Variants in PNLIPRP3 observed in about 807,000 individuals in gnomAD.
The protein encoded by PNLIPRP3 is pancreatic lipase-related protein 3.
PNLIPRP3 carries 58 observed loss-of-function variants against 52.8 expected under a neutral mutation model. That is an observed-to-expected ratio of 1.10 (90% confidence interval 0.89 to 1.37). The LOEUF (loss-of-function observed/expected upper bound fraction) is 1.37. Among genes scored for constraint, PNLIPRP3 ranks in the 40% most tolerant of loss-of-function variants. The pLI, the probability that PNLIPRP3 is intolerant of heterozygous loss-of-function variation, is 0.00. For missense variants in PNLIPRP3, 593 were observed against 561.6 expected, an observed-to-expected ratio of 1.06 and a Z score of -0.57; for synonymous variants, 192 against 185.0, an observed-to-expected ratio of 1.04 and a Z score of -0.31.
At chr10:116,460,915 C>T (rs776822148) in intron 5 of PNLIPRP3, 51 bp from the exon 6 acceptor site, 3 of 1,585,618 alleles carry the variant, frequency 1.9e-6, no homozygotes, top group Non-Finnish European at 1.7e-6. Flanking sequence ...AAAGTAACAA[C>T]AATATTAATG....
intron 10 of PNLIPRP3, among the ~76,000 whole-genome samples, chr10:116,475,008 C>A (rs757485841): frequency 6.6e-6 from 1 of 152,174 alleles, no homozygotes; most frequent in Non-Finnish European, 1.5e-5. Flanking sequence ...GCACTATTCA[C>A]AACAGCAAAG....
rs199630485 is a variant in PNLIPRP3, at chr10:116,476,803, G to A, written c.1324G>A (p.Gly442Arg). The change falls in exon 11 of 12, where the codon GGG becomes AGG. Residue 442 changes from glycine to arginine, a missense_variant. Physicochemically the swap from Gly to Arg is moderately radical, Grantham distance 125. Coordinates refer to ENST00000369230, the MANE Select transcript of PNLIPRP3 (RefSeq NM_001011709.3). ...AGCAGAAATGGTGATAAATACATCTGGGAAATATGGATATAAGTAAGTATT... is the reference window on the plus strand; with the variant it reads ...AGCAGAAATGGTGATAAATACATCTAGGAAATATGGATATAAGTAAGTATT... The part of the protein sequence containing the change: ...LGAEMVINTS[G>R]KYGYKSTFCS... 1,297 of 1,596,998 alleles carry A rather than the reference G, an allele frequency of 8.1e-4. 15 individuals carry two copies. The South Asian group carries it at 0.011, about 14-fold the overall frequency.
chr10:116,436,808 A>T lies in PNLIPRP3; in HGVS notation c.147A>T (p.Pro49=). ...AGTTGGTAGGTTTACCCTGGTCTCC[A>T]GAGAAGATAAACACTCGTTTCCTGC... ...STELVGLPWS[P]EKINTRFLLY... Residue 49 remains proline (P), a synonymous_variant, in exon 2 of 12, where the codon CCA becomes CCT. Coordinates refer to ENST00000369230, the MANE Select transcript of PNLIPRP3 (RefSeq NM_001011709.3). 6.2e-7 allele frequency: 1 copy of T among 1,613,672 alleles called. No homozygotes were observed. The highest frequency in any genetic ancestry group is 1.1e-5 in the South Asian group (1 of 91,012).
intron 1 of PNLIPRP3, 115 bp from the exon 2 acceptor site, chr10:116,436,595 TA>T (rs1252821623): frequency 9.3e-7 from 1 of 1,073,576 alleles, no homozygotes; most frequent in African/African-American, 1.6e-5. Context: ...TTTCAAGCCA[TA>T]AATCCAATAA....
At chr10:116,458,645 C>T (rs1387915255) in intron 5 of PNLIPRP3, among the ~76,000 whole-genome samples, 2 of 152,124 alleles carry the variant, frequency 1.3e-5, no homozygotes, top group Non-Finnish European at 1.5e-5. Flanking sequence ...TTGTTAAGCG[C>T]GAATGGTTCA....
At chr10:116,433,938 A>G (rs528450718) in intron 1 of PNLIPRP3, among the ~76,000 whole-genome samples, 26 of 152,348 alleles carry the variant, frequency 1.7e-4, no homozygotes, top group African/African-American at 6.0e-4. Flanking sequence ...AAGCTAGGCT[A>G]TATCTCCCAA....
chr10:116,443,295 C>T lies in PNLIPRP3; in HGVS notation c.324+121C>T, dbSNP rs535562132. 8 of 1,111,948 alleles carry T rather than the reference C, an allele frequency of 7.2e-6. No individual in the cohort carries two copies. In the Admixed American group the frequency reaches 8.5e-5, roughly 12 times the overall value. The allele number at this position is 1,111,948 out of a possible 1,614,324, so 68.9% of individuals were successfully genotyped here. On this transcript the variant is annotated intron_variant, in intron 3 of 11. Coordinates refer to ENST00000369230, the MANE Select transcript of PNLIPRP3 (RefSeq NM_001011709.3). ...CTTCCATTCAGTTATCCACAATTAT[C>T]CGTGTTCTGGGGCCTCAAATTAGTT...
At chr10:116,439,784 C>T in intron 2 of PNLIPRP3, 4 of 773,522 alleles carry the variant, frequency 5.2e-6, no homozygotes, top group Non-Finnish European at 9.6e-6. Context: ...GCATTAGGAT[C>T]CTTCTTCTTG....
chr10:116,431,783 T>G (rs1163107582), intron 1 of PNLIPRP3, among the ~76,000 whole-genome samples: 2 of 152,118 alleles, frequency 1.3e-5, no homozygotes, highest in African/African-American at 4.8e-5. Flanking sequence ...CCTGTCTCCA[T>G]TCCCTGGGCC....
At chr10:116,428,159 G>T in intron 1 of PNLIPRP3, 98 bp downstream of exon 1, 2 of 849,454 alleles carry the variant, frequency 2.4e-6, no homozygotes, top group Non-Finnish European at 3.7e-6. Context: ...AATTACTATT[G>T]CTAATTTCAT....
chr10:116,462,928 G>T (rs1403148015), intron 7 of PNLIPRP3, among the ~76,000 whole-genome samples: 2 of 152,146 alleles, frequency 1.3e-5, no homozygotes, highest in African/African-American at 4.8e-5. Flanking sequence ...ACCTTTGGAT[G>T]AGTTTTAAGA....
rs1326558221 is a variant in PNLIPRP3, at chr10:116,460,834, T to C, written c.566-132T>C. ...GAGACCCTACATTTATAGATTTAGG[T>C]TATGTATCTGTACTTTTTCCTGAGT... On this transcript the variant is annotated intron_variant, in intron 5 of 11. Transcript: ENST00000369230. 5 of 1,217,820 alleles carry C rather than the reference T, an allele frequency of 4.1e-6. No homozygotes were observed. In the East Asian group the frequency reaches 1.3e-4, roughly 32 times the overall value. The allele number at this position is 1,217,820 out of a possible 1,614,324, so 75.4% of individuals were successfully genotyped here.
intron 8 of PNLIPRP3, among the ~76,000 whole-genome samples, chr10:116,467,878 C>A (rs1454066904): frequency 6.6e-6 from 1 of 151,976 alleles, no homozygotes; most frequent in African/African-American, 2.4e-5. Context: ...GTAATCCCAG[C>A]ACTTTGGGAG....
At chr10:116,437,561 G>C (rs911240299) in intron 2 of PNLIPRP3, among the ~76,000 whole-genome samples, 6 of 152,108 alleles carry the variant, frequency 3.9e-5, no homozygotes, top group Non-Finnish European at 8.8e-5. Flanking sequence ...AGTAGTTGAG[G>C]AACAAATTGT....
intron 2 of PNLIPRP3, among the ~76,000 whole-genome samples, chr10:116,438,776 T>G (rs1275520485): frequency 6.6e-6 from 1 of 152,150 alleles, no homozygotes; most frequent in Non-Finnish European, 1.5e-5. Flanking sequence ...ACCAATTCTG[T>G]AGATGTGGCT....
At chr10:116,449,525 C>T (rs568061460) in intron 4 of PNLIPRP3, among the ~76,000 whole-genome samples, 1 of 152,222 alleles carries the variant, frequency 6.6e-6, no homozygotes, top group East Asian at 1.9e-4. Flanking sequence ...AGAATCAATT[C>T]ACCAGGAAGA....
At chr10:116,434,018 C>A (rs184935277) in intron 1 of PNLIPRP3, among the ~76,000 whole-genome samples, 4 of 152,306 alleles carry the variant, frequency 2.6e-5, no homozygotes, top group African/African-American at 9.6e-5. Context: ...CAATACATTT[C>A]TCTTAGATCA....
At chr10:116,432,806 G>A (rs1845725412) in intron 1 of PNLIPRP3, among the ~76,000 whole-genome samples, 2 of 152,090 alleles carry the variant, frequency 1.3e-5, no homozygotes, top group Non-Finnish European at 2.9e-5. Flanking sequence ...TGAAAGAAAA[G>A]TGTGTAATTG....
At chr10:116,439,443 GATAA>G (rs1296463091) in intron 2 of PNLIPRP3, 3 of 637,610 alleles carry the variant, frequency 4.7e-6, no homozygotes, top group African/African-American at 3.6e-5. Flanking sequence ...CAAGGAGACA[GATAA>G]ATAGTTTCTT....
Sources: gnomAD v4.1 joint callset for allele counts (sites outside exome capture counted in the v4.1 genomes callset) on GRCh38, gnomAD v4.1.1 for gene constraint, MANE v1.5 for transcripts, NCBI Gene and HGNC (gene_info 2026-07-23, HGNC 2026-07-21) for gene names.